BAZ1B: variants seen among roughly 807,000 people sequenced by gnomAD.
The protein encoded by BAZ1B is tyrosine-protein kinase BAZ1B.
A neutral mutation model predicts 153.8 loss-of-function variants in BAZ1B; 22 were observed. The ratio of observed to expected loss-of-function variants is 0.14; its 90% CI spans 0.10 to 0.20. The LOEUF is 0.20. Among genes scored for constraint, BAZ1B ranks in the 10% least tolerant of loss-of-function variants. The pLI, the probability that BAZ1B is intolerant of heterozygous loss-of-function variation, is 1.00. For missense variants in BAZ1B, 1,325 were observed against 1,799.3 expected (o/e 0.74, Z 4.77); for synonymous variants, 676 against 633.4 (o/e 1.07, Z -1.01).
chr7:73,481,749 A>T (rs1202211694), intron 6 of BAZ1B, among the ~76,000 whole-genome samples: 1 of 151,494 alleles, frequency 6.6e-6, no homozygotes, highest in African/African-American at 2.4e-5. Flanking sequence ...TTAAAACTGT[A>T]ATGTGTTGCC....
chr7:73,494,017 T>G (rs1225116419), intron 4 of BAZ1B, among the ~76,000 whole-genome samples: 5 of 152,104 alleles, frequency 3.3e-5, no homozygotes, highest in Non-Finnish European at 7.4e-5. Flanking sequence ...GATTAGAATT[T>G]GTCTTGCTAG....
chr7:73,478,792 C>T (rs1041673666), intron 6 of BAZ1B, among the ~76,000 whole-genome samples: 2 of 152,118 alleles, frequency 1.3e-5, no homozygotes, highest in Admixed American at 1.3e-4. Flanking sequence ...TAATACTAGA[C>T]ATTTTTGCTA....
At chr7:73,486,031 C>T (rs1789393891) in intron 6 of BAZ1B, among the ~76,000 whole-genome samples, 1 of 152,190 alleles carries the variant, frequency 6.6e-6, no homozygotes, top group African/African-American at 2.4e-5. Flanking sequence ...AAAAATTACG[C>T]TGCCCCTAAA....
Position 73,451,599 on chromosome 7 carries a change from G to C in BAZ1B, c.3433-605C>G, listed in dbSNP as rs535931753. On this transcript the variant is annotated intron_variant, in intron 13 of 19. Transcript: ENST00000339594. ...TCCTATAGAAACAGAGAATCACAGG[G>C]AGCCTTGTGTGTATAAATTTATGAA... 3.9e-5 allele frequency among the ~76,000 whole-genome samples: 6 copies of C among 152,312 alleles called. No homozygotes were observed. In the East Asian group the frequency reaches 5.8e-4, roughly 15 times the overall value.
At chr7:73,478,828 T>C (rs535128078) in intron 6 of BAZ1B, among the ~76,000 whole-genome samples, 10 of 152,330 alleles carry the variant, frequency 6.6e-5, no homozygotes, top group Non-Finnish European at 1.2e-4. Context: ...TTATGTATAT[T>C]AATGATTCTT....
chr7:73,518,000 GC>G (rs1459631135), intron 1 of BAZ1B, among the ~76,000 whole-genome samples: 1 of 152,156 alleles, frequency 6.6e-6, no homozygotes, highest in Admixed American at 6.6e-5. Flanking sequence ...CTCAAGATTT[GC>G]TTTTTACTCG....
At chr7:73,452,180 TATC>T (rs1230939803) in intron 13 of BAZ1B, among the ~76,000 whole-genome samples, 1 of 152,216 alleles carries the variant, frequency 6.6e-6, no homozygotes, top group African/African-American at 2.4e-5. Context: ...TTTTAAATAG[TATC>T]ATACAATAAT....
chr7:73,471,642 A>C (rs1563376979), intron 7 of BAZ1B, among the ~76,000 whole-genome samples: 1 of 152,144 alleles, frequency 6.6e-6, no homozygotes, highest in South Asian at 2.1e-4. Flanking sequence ...GAGCCACTGC[A>C]CTCAGCCCCA....
At chr7:73,455,551 GT>G (rs1162032010) in intron 13 of BAZ1B, among the ~76,000 whole-genome samples, 1 of 152,166 alleles carries the variant, frequency 6.6e-6, no homozygotes, top group Non-Finnish European at 1.5e-5. Context: ...GGAGGCCAGG[GT>G]GGGTGGATCA....
intron 1 of BAZ1B, among the ~76,000 whole-genome samples, chr7:73,519,994 G>A (rs1438623713): frequency 6.6e-6 from 1 of 152,158 alleles, no homozygotes; most frequent in Admixed American, 6.6e-5. Flanking sequence ...GATCACCTGA[G>A]GTCAGGAGTT....
chr7:73,464,873 A>G (rs1004047469), intron 11 of BAZ1B, among the ~76,000 whole-genome samples: 4 of 151,562 alleles, frequency 2.6e-5, no homozygotes, highest in African/African-American at 9.7e-5. Context: ...CTACATACAC[A>G]AACCACCACA....
chr7:73,508,275 T>C (rs1790426698), intron 3 of BAZ1B, 52 bp downstream of exon 3: 1 of 1,586,350 alleles, frequency 6.3e-7, no homozygotes, highest in Non-Finnish European at 8.6e-7. Context: ...TAACCTACGA[T>C]GACAGCTCTA....
At chr7:73,458,213 T>C (rs1237840645) in intron 13 of BAZ1B, among the ~76,000 whole-genome samples, 1 of 152,194 alleles carries the variant, frequency 6.6e-6, no homozygotes, top group East Asian at 1.9e-4. Context: ...AGAATTAAAC[T>C]GAATTTTAAG....
rs782502809 is a variant in BAZ1B at position 73,477,628 on chromosome 7, G to T, written c.1833C>A (p.Ala611=). The T allele has an allele frequency of 3.1e-6, 5 of 1,614,014 alleles. No homozygotes were observed. The highest frequency in any genetic ancestry group is 4.2e-6 in the Non-Finnish European group (5 of 1,180,030). Residue 611 remains alanine (A), a synonymous_variant, in exon 7 of 20, where the codon GCC becomes GCA. Transcript: ENST00000339594. This position sits in a 1 kb window ranked among gnomAD's most constrained non-coding sequence, Gnocchi z 5.6. The part of the protein sequence containing the change: ...GLPNTLFGDV[A]MVVEFLSCYS... ...AACAGCTCAAGAATTCCACCACCAT[G>T]GCCACATCCCCAAACAGCGTGTTGG...
intron 15 of BAZ1B, among the ~76,000 whole-genome samples, chr7:73,448,990 G>A (rs1787935266): frequency 6.6e-6 from 1 of 152,310 alleles, no homozygotes; most frequent in Non-Finnish European, 1.5e-5. Flanking sequence ...GAGCCCAGGT[G>A]ACAGATGTAG....
At chr7:73,501,691 T>C (rs532641817) in intron 3 of BAZ1B, among the ~76,000 whole-genome samples, 15 of 152,246 alleles carry the variant, frequency 9.9e-5, no homozygotes, top group Middle Eastern at 3.4e-3. Context: ...TCACACACCC[T>C]GTTCTCTCTC....
intron 1 of BAZ1B, among the ~76,000 whole-genome samples, chr7:73,515,412 A>C (rs1583960513): frequency 1.3e-5 from 2 of 151,878 alleles, no homozygotes; most frequent in East Asian, 3.9e-4. Context: ...CAGATGTAAT[A>C]TATGTCACTT....
chr7:73,485,641 AAGAG>A (rs539444922), intron 6 of BAZ1B, among the ~76,000 whole-genome samples: 39 of 151,638 alleles, frequency 2.6e-4, no homozygotes, highest in East Asian at 2.1e-3. Flanking sequence ...AAAAAAAAAA[AAGAG>A]AGAGAGAATG....
At chr7:73,503,557 T>A (rs1280847456) in intron 3 of BAZ1B, among the ~76,000 whole-genome samples, 3 of 152,042 alleles carry the variant, frequency 2.0e-5, no homozygotes, top group African/African-American at 7.2e-5. Flanking sequence ...TTATTTTTTG[T>A]AGAAACAGGG....
Sources: gnomAD v4.1 joint callset for allele counts (sites outside exome capture counted in the v4.1 genomes callset) on GRCh38, gnomAD v4.1.1 for gene constraint, Gnocchi (gnomAD v3.1) non-coding constraint, MANE v1.5 for transcripts, NCBI Gene and HGNC (gene_info 2026-07-23, HGNC 2026-07-21) for gene names.